The following CHIC1 variants were observed in gnomAD, a reference collection of about 807,000 sequenced individuals.
CHIC1 encodes the protein cysteine rich hydrophobic domain 1.
CHIC1 carries 7 observed loss-of-function variants against 18.5 expected under a neutral mutation model. The ratio of observed to expected loss-of-function variants is 0.38; its 90% CI spans 0.22 to 0.71. CHIC1 has a LOEUF of 0.71. Among genes scored for constraint, CHIC1 ranks in the 30% least tolerant of loss-of-function variants. The pLI is 0.49. For missense variants in CHIC1, 159 were observed against 176.9 expected (o/e 0.90, Z 0.57); for synonymous variants, 77 against 73.5 (o/e 1.05, Z -0.25).
chrX:73,656,473 T>C (rs990846863), intron 3 of CHIC1, among the ~76,000 whole-genome samples: 17 of 112,154 alleles, frequency 1.5e-4, no homozygotes, highest in African/African-American at 5.5e-4. Flanking sequence ...GAGTTGATTT[T>C]TATATATGGT....
In CHIC1 at chrX:73,584,040, G is replaced by A. The variant is rs953427440; in HGVS notation, c.352-377G>A. ...TCTAGTAGTATTTGGGTTTTTTATT[G>A]TTGTGTTATGCTTCTAGTCTTACCC... is the stretch of plus-strand genomic sequence containing the variant. On this transcript the variant is annotated intron_variant, in intron 2 of 5. Coordinates refer to ENST00000373502, the MANE Select transcript of CHIC1 (RefSeq NM_001039840.4). 3.6e-5 allele frequency among the ~76,000 whole-genome samples: 4 copies of A among 110,860 alleles called. No individual in the cohort carries two copies. The Admixed American group carries it at 3.9e-4, about 11-fold the overall frequency.
intron 2 of CHIC1, 67 bp from the exon 3 acceptor site, chrX:73,584,350 T>C: frequency 1.1e-6 from 1 of 907,901 alleles, no homozygotes; most frequent in East Asian, 3.4e-5. Context: ...ATAAATGTTT[T>C]TCTTAGATTT....
chrX:73,675,543 A>G (rs950673210), intron 3 of CHIC1, among the ~76,000 whole-genome samples: 3 of 111,626 alleles, frequency 2.7e-5, no homozygotes, highest in Admixed American at 1.9e-4. Context: ...ATCAGAGACT[A>G]GGATTGCAAA....
At chrX:73,659,479 CG>C (rs1458897203) in intron 3 of CHIC1, among the ~76,000 whole-genome samples, 39 of 105,020 alleles carry the variant, frequency 3.7e-4, no homozygotes, top group Non-Finnish European at 7.5e-4. Context: ...GGACAGGGCA[CG>C]TTCTAAGGTG....
chrX:73,644,732 G>A (rs1174692615), intron 3 of CHIC1, among the ~76,000 whole-genome samples: 5 of 112,180 alleles, frequency 4.5e-5, no homozygotes, highest in Non-Finnish European at 9.4e-5. Context: ...AGCCCATTTT[G>A]GAAAAGCGCA....
intron 5 of CHIC1, among the ~76,000 whole-genome samples, chrX:73,680,335 G>C (rs1469275917): frequency 9.0e-6 from 1 of 110,881 alleles, no homozygotes; most frequent in South Asian, 3.7e-4. Flanking sequence ...GATTATTATG[G>C]TATCTCTCTA....
intron 3 of CHIC1, among the ~76,000 whole-genome samples, chrX:73,638,370 G>A (rs779117321): frequency 1.8e-5 from 2 of 111,124 alleles, no homozygotes; most frequent in Admixed American, 9.6e-5. Flanking sequence ...TGGAAATAAC[G>A]TCTGCTCTTC....
chrX:73,633,221 TC>T (rs761100474), intron 3 of CHIC1, among the ~76,000 whole-genome samples: 135 of 110,306 alleles, frequency 1.2e-3, no homozygotes, highest in Non-Finnish European at 2.3e-3. Context: ...TGAACTTACA[TC>T]CCTCCCCCCA....
At chrX:73,573,365 A>G (rs2057480345) in intron 1 of CHIC1, among the ~76,000 whole-genome samples, 2 of 111,569 alleles carry the variant, frequency 1.8e-5, no homozygotes, top group South Asian at 3.7e-4. Context: ...GTTTGAAGTC[A>G]GGTAATATGA....
rs1252727113 is a variant in CHIC1 at position 73,596,738 on chromosome X, C to T, written c.507+12166C>T. The stretch of plus-strand genomic sequence containing the variant: ...AAATAACACCACACACCTACAATCA[C>T]CTGATCTTTGACAAACTTGCCAAAA... On this transcript the variant is annotated intron_variant, in intron 3 of 5. Transcript: ENST00000373502. Among the ~76,000 whole-genome samples the T allele has an allele frequency of 2.7e-5, 3 of 110,803 alleles. No individual in the cohort carries two copies. The East Asian group carries it at 8.6e-4, about 32-fold the overall frequency.
chrX:73,634,643 A>G (rs947784016), intron 3 of CHIC1, among the ~76,000 whole-genome samples: 9 of 111,369 alleles, frequency 8.1e-5, no homozygotes, highest in Admixed American at 5.7e-4. Flanking sequence ...AACAGGATCT[A>G]TAGCCACTGT....
At chrX:73,577,774 G>A (rs2057507281) in intron 2 of CHIC1, among the ~76,000 whole-genome samples, 1 of 109,942 alleles carries the variant, frequency 9.1e-6, no homozygotes, top group Admixed American at 9.7e-5. Flanking sequence ...AGTGCTTTTA[G>A]AGTTAAAGTT....
intron 3 of CHIC1, among the ~76,000 whole-genome samples, chrX:73,671,950 T>A (rs755646236): frequency 1.8e-5 from 2 of 110,688 alleles, no homozygotes; most frequent in Non-Finnish European, 3.8e-5. Flanking sequence ...CCCCGGTGTG[T>A]GATGTTCCCC....
intron 5 of CHIC1, among the ~76,000 whole-genome samples, chrX:73,680,632 A>G (rs938684315): frequency 2.7e-5 from 3 of 110,807 alleles, no homozygotes; most frequent in African/African-American, 9.8e-5. Flanking sequence ...TAACAAAGAG[A>G]TAGGGGTGTG....
intron 3 of CHIC1, among the ~76,000 whole-genome samples, chrX:73,630,111 A>G (rs1402945705): frequency 8.9e-6 from 1 of 111,877 alleles, no homozygotes; most frequent in African/African-American, 3.2e-5. Flanking sequence ...TTTGTATTCA[A>G]ACCTTTACTG....
At chrX:73,663,495 C>T (rs1244116553) in intron 3 of CHIC1, among the ~76,000 whole-genome samples, 1 of 110,448 alleles carries the variant, frequency 9.1e-6, no homozygotes, top group Non-Finnish European at 1.9e-5. Context: ...GTATAAGTGC[C>T]TTTCTTCCCT....
chrX:73,589,833 C>A (rs1440941597), intron 3 of CHIC1, among the ~76,000 whole-genome samples: 4 of 110,698 alleles, frequency 3.6e-5, no homozygotes, highest in African/African-American at 9.8e-5. Context: ...TTCTTCATTT[C>A]TTTTTTTGAA....
At chrX:73,586,982 T>G (rs1486556506) in intron 3 of CHIC1, among the ~76,000 whole-genome samples, 1 of 111,812 alleles carries the variant, frequency 8.9e-6, no homozygotes, top group Admixed American at 9.5e-5. Context: ...CATATGTAAA[T>G]GAGTGAGCAT....
At chrX:73,572,725 T>C (rs1341349071) in intron 1 of CHIC1, among the ~76,000 whole-genome samples, 9 of 111,783 alleles carry the variant, frequency 8.1e-5, no homozygotes, top group Non-Finnish European at 1.7e-4. Flanking sequence ...TTTTTTCATA[T>C]GTTTGTTGGC....
Sources: allele counts gnomAD v4.1 joint callset (sites outside exome capture counted in the v4.1 genomes callset), GRCh38; gene constraint gnomAD v4.1.1; transcripts MANE v1.5; gene names NCBI Gene and HGNC (gene_info 2026-07-23, HGNC 2026-07-21).